UGT1A6: variants seen among roughly 807,000 people sequenced by gnomAD.
The protein encoded by UGT1A6 is UDP glucuronosyltransferase family 1 member A6, also known as UDP-glucuronosyltransferase 1A6.
Under a neutral mutation model 44.4 loss-of-function variants are expected in UGT1A6, and 32 were observed. The ratio of observed to expected loss-of-function variants is 0.72; its 90% CI spans 0.54 to 0.97. UGT1A6 has a LOEUF of 0.97. Ranked by LOEUF, UGT1A6 falls within the 50% of genes least tolerant of loss-of-function variation. The pLI, the probability that UGT1A6 is intolerant of heterozygous loss-of-function variation, is 0.00. For missense variants in UGT1A6, 685 were observed against 661.9 expected (o/e 1.03, Z -0.38); for synonymous variants, 238 against 248.5 (o/e 0.96, Z 0.40).
intron 1 of UGT1A6, among the ~76,000 whole-genome samples, chr2:233,731,096 C>A (rs1335372284): frequency 6.6e-6 from 1 of 151,962 alleles, no homozygotes; most frequent in African/African-American, 2.4e-5. Flanking sequence ...TATTTCTGTG[C>A]CTTTTTTATA....
intron 1 of UGT1A6, chr2:233,756,051 T>C (rs1176679443): frequency 6.6e-6 from 1 of 152,238 alleles, no homozygotes; most frequent in Non-Finnish European, 1.5e-5. Context: ...AAAACTCCAC[T>C]GTACACTTGT....
chr2:233,713,711 G>T (rs1407251042), intron 1 of UGT1A6: 1 of 1,613,928 alleles, frequency 6.2e-7, no homozygotes, highest in East Asian at 2.2e-5. Context: ...AGCTTTTTCA[G>T]AGAGAGGTGT....
chr2:233,748,290 T>C (rs1391858558), intron 1 of UGT1A6, among the ~76,000 whole-genome samples: 2 of 151,668 alleles, frequency 1.3e-5, no homozygotes, highest in Non-Finnish European at 2.9e-5. Flanking sequence ...GAGGCAGACA[T>C]GAATGTTTAT....
At position 233,769,327 on chromosome 2, in the gene UGT1A6, G is replaced by C. The variant is rs1477763656; in HGVS notation, c.1301+888G>C. The stretch of plus-strand genomic sequence containing the variant: ...TTACTGTCAAGCTCACTGGTAATAG[G>C]CTTATTAGAACCTTATGGGAAGAAG... On this transcript the variant is annotated intron_variant, in intron 4 of 4. Transcript: ENST00000305139. The surrounding 1 kb of genome is among the most constrained non-coding windows in gnomAD (Gnocchi z 4.4). 6.6e-6 allele frequency among the ~76,000 whole-genome samples: 1 copy of C among 152,234 alleles called. No homozygotes were observed. The highest frequency in any genetic ancestry group is 1.5e-5 in the Non-Finnish European group (1 of 68,042).
At chr2:233,766,890 A>G (rs1433588040) in intron 1 of UGT1A6, 144 bp from the exon 2 acceptor site, 1 of 1,467,048 alleles carries the variant, frequency 6.8e-7, no homozygotes, top group Non-Finnish European at 9.0e-7. Flanking sequence ...TAAAACTTAC[A>G]TATTAATAAT....
At chr2:233,704,381 T>C (rs1381509965) in intron 1 of UGT1A6, among the ~76,000 whole-genome samples, 1 of 152,038 alleles carries the variant, frequency 6.6e-6, no homozygotes, top group African/African-American at 2.4e-5. Flanking sequence ...AGCACATCGA[T>C]TTTAACTTAC....
At chr2:233,694,710 C>A (rs934435713) in intron 1 of UGT1A6, among the ~76,000 whole-genome samples, 1 of 152,132 alleles carries the variant, frequency 6.6e-6, no homozygotes, top group Non-Finnish European at 1.5e-5. Flanking sequence ...TTCTTTACAC[C>A]TGCTGATTTC....
intron 1 of UGT1A6, among the ~76,000 whole-genome samples, chr2:233,746,138 G>C (rs1315448671): frequency 6.6e-6 from 1 of 151,886 alleles, no homozygotes; most frequent in African/African-American, 2.4e-5. Context: ...ACTGGCACCT[G>C]AGTGATAGCA....
At chr2:233,743,465 C>A in intron 1 of UGT1A6, 1 of 1,366,596 alleles carries the variant, frequency 7.3e-7, no homozygotes. Flanking sequence ...AAAACACCCC[C>A]AAAAGCTGGA....
intron 1 of UGT1A6, among the ~76,000 whole-genome samples, chr2:233,698,922 T>C (rs187139910): frequency 6.6e-6 from 1 of 152,318 alleles, no homozygotes; most frequent in Admixed American, 6.5e-5. Flanking sequence ...GACGTGGCCG[T>C]CTCAGAGGGC....
chr2:233,725,805 C>A (rs2077476454), intron 1 of UGT1A6, among the ~76,000 whole-genome samples: 1 of 152,220 alleles, frequency 6.6e-6, no homozygotes, highest in Non-Finnish European at 1.5e-5. Context: ...TCCTTAAAAT[C>A]CATTTTATTG....
chr2:233,709,529 C>T (rs1169000951), intron 1 of UGT1A6, among the ~76,000 whole-genome samples: 1 of 151,942 alleles, frequency 6.6e-6, no homozygotes, highest in Non-Finnish European at 1.5e-5. Context: ...ATTCTTTTTC[C>T]TACTGTGATA....
intron 1 of UGT1A6, among the ~76,000 whole-genome samples, chr2:233,759,835 C>T (rs1697265176): frequency 6.6e-6 from 1 of 152,172 alleles, no homozygotes; most frequent in African/African-American, 2.4e-5. Flanking sequence ...GTGGAGTGGG[C>T]ACTCTTACAG....
chr2:233,736,518 C>G (rs567664154), intron 1 of UGT1A6, among the ~76,000 whole-genome samples: 1 of 152,188 alleles, frequency 6.6e-6, no homozygotes, highest in Admixed American at 6.5e-5. Context: ...TCTGTCAACT[C>G]GTCAAAGTCA....
At chr2:233,720,293 G>T (rs1340833186) in intron 1 of UGT1A6, among the ~76,000 whole-genome samples, 1 of 152,182 alleles carries the variant, frequency 6.6e-6, no homozygotes, top group Non-Finnish European at 1.5e-5. Flanking sequence ...CTGACCAGGA[G>T]TTGGGGGTCT....
intron 1 of UGT1A6, chr2:233,747,324 T>G: frequency 1.2e-6 from 2 of 1,603,244 alleles, no homozygotes; most frequent in Non-Finnish European, 1.7e-6. Context: ...TACCCATTGA[T>G]GGCAGCCACT....
At chr2:233,740,578 C>A (rs1384729734) in intron 1 of UGT1A6, 2 of 151,730 alleles carry the variant, frequency 1.3e-5, no homozygotes, top group Non-Finnish European at 2.9e-5. Flanking sequence ...TTTTTTGGGA[C>A]CCTAATGAAA....
chr2:233,724,302 T>C (rs1575551867), intron 1 of UGT1A6, among the ~76,000 whole-genome samples: 2 of 123,390 alleles, frequency 1.6e-5, no homozygotes, highest in Admixed American at 8.1e-5. Flanking sequence ...CCCCCCCACC[T>C]CCCTCCCGGA....
intron 1 of UGT1A6, among the ~76,000 whole-genome samples, chr2:233,701,112 T>A (rs1234680101): frequency 6.6e-6 from 1 of 152,196 alleles, no homozygotes; most frequent in Non-Finnish European, 1.5e-5. Flanking sequence ...CTTAATCCAG[T>A]CTATCATTGA....
Sources: gnomAD v4.1 joint callset for allele counts (sites outside exome capture counted in the v4.1 genomes callset) on GRCh38, gnomAD v4.1.1 for gene constraint, Gnocchi (gnomAD v3.1) non-coding constraint, MANE v1.5 for transcripts, NCBI Gene and HGNC (gene_info 2026-07-23, HGNC 2026-07-21) for gene names.